Variants in EP300 observed in about 807,000 individuals in gnomAD.
EP300 encodes the protein histone acetyltransferase p300.
EP300 carries 31 observed loss-of-function variants against 264.0 expected under a neutral mutation model. The ratio of observed to expected loss-of-function variants is 0.12; its 90% confidence interval spans 0.09 to 0.16. EP300 has a LOEUF of 0.16. Among genes scored for constraint, EP300 ranks in the 10% least tolerant of loss-of-function variants. The probability of loss-of-function intolerance (pLI) is 1.00; values close to 1 mark genes in which losing one functional copy is unlikely to be tolerated. For missense variants in EP300, 2,766 were observed against 3,052.9 expected, an observed-to-expected ratio of 0.91 and a Z score of 2.21; for synonymous variants, 1,340 against 1,045.4, an observed-to-expected ratio of 1.28 and a Z score of -5.44.
At chr22:41,145,973 G>A (rs934608083) in intron 10 of EP300, among the ~76,000 whole-genome samples, 2 of 151,986 alleles carry the variant, frequency 1.3e-5, no homozygotes, top group Non-Finnish European at 2.9e-5. Context: ...ATGATATGTA[G>A]TGTGGTATAA....
intron 18 of EP300, among the ~76,000 whole-genome samples, chr22:41,158,035 A>G (rs898244037): frequency 6.6e-6 from 1 of 152,178 alleles, no homozygotes; most frequent in Admixed American, 6.5e-5. Flanking sequence ...GTACATACCA[A>G]TTCACATTAT....
chr22:41,172,462 CATAGAAA>C, intron 27 of EP300, 30 bp from the exon 28 acceptor site: 1 of 1,544,016 alleles, frequency 6.5e-7, no homozygotes, highest in Non-Finnish European at 8.9e-7. Flanking sequence ...TTTAAAAGAA[CATAGAAA>C]TTCCTATATG....
rs781155908 is a variant in EP300, at chr22:41,178,312, A to G, written c.6601A>G (p.Ile2201Val). The change falls in exon 31 of 31, where the codon ATA becomes GTA. Residue 2201 changes from isoleucine (I) to valine (V), a missense_variant. Physicochemically the swap from Ile to Val is conservative, Grantham distance 29. Transcript: ENST00000263253. The part of the protein sequence containing the change: ...QQQQQGAGPG[I>V]GPGMANHNQF... ...GCAGCAACAGGGAGCAGGGCCAGGA[A>G]TAGGCCCTGGAATGGCCAACCATAA... 2 of 1,614,214 alleles carry G rather than the reference A, an allele frequency of 1.2e-6. No homozygotes were observed. Among genetic ancestry groups the G allele is most frequent in the Non-Finnish European group, 1.7e-6 (2 of 1,180,022 alleles).
At position 41,171,363 on chromosome 22, in the gene EP300, G is replaced by T. The variant is rs528010187; in HGVS notation, c.4452+792G>T. Reference sequence around the variant, plus strand: ...TGTGGGTGTTTTGTTTTCAGAAAGGGTCACTCTCTGTCACCCAGGCTAGGG... The same window carrying T: ...TGTGGGTGTTTTGTTTTCAGAAAGGTTCACTCTCTGTCACCCAGGCTAGGG... On this transcript the variant is annotated intron_variant, in intron 27 of 30. Coordinates refer to ENST00000263253, the MANE Select transcript of EP300 (RefSeq NM_001429.4). 4.6e-5 allele frequency among the ~76,000 whole-genome samples: 7 copies of T among 152,172 alleles called. No individual in the cohort carries two copies. In the South Asian group the frequency reaches 1.5e-3, roughly 32 times the overall value.
intron 8 of EP300, among the ~76,000 whole-genome samples, chr22:41,138,731 A>G (rs2058965907): frequency 6.6e-6 from 1 of 152,032 alleles, no homozygotes; most frequent in Non-Finnish European, 1.5e-5. Context: ...ACCATGCAGT[A>G]TTTTTTCTTG....
At chr22:41,148,725 A>G in intron 12 of EP300, 1 of 415,554 alleles carries the variant, frequency 2.4e-6, no homozygotes, top group Non-Finnish European at 4.5e-6. Context: ...CACTTAACAG[A>G]GCATGCAAAG....
At chr22:41,123,353 A>G (rs1486715053) in intron 2 of EP300, among the ~76,000 whole-genome samples, 4 of 152,200 alleles carry the variant, frequency 2.6e-5, no homozygotes, top group Non-Finnish European at 4.4e-5. Flanking sequence ...TCAGTACAGG[A>G]AATATATAAG....
chr22:41,145,634 T>A (rs566929761), intron 10 of EP300, among the ~76,000 whole-genome samples: 5 of 152,028 alleles, frequency 3.3e-5, no homozygotes, highest in African/African-American at 1.2e-4. Context: ...ATATTTTAGG[T>A]TTTTTTTGAG....
At chr22:41,147,106 C>G (rs944306981) in intron 11 of EP300, among the ~76,000 whole-genome samples, 1 of 151,916 alleles carries the variant, frequency 6.6e-6, no homozygotes, top group African/African-American at 2.4e-5. Context: ...AAGTACGAGA[C>G]CAGCCTGGCC....
chr22:41,129,170 C>T (rs1461785721), intron 4 of EP300, among the ~76,000 whole-genome samples: 1 of 135,042 alleles, frequency 7.4e-6, no homozygotes, highest in African/African-American at 2.5e-5. Context: ...GCCACCATGG[C>T]GGCTAATTTT....
At position 41,106,198 on chromosome 22, in the gene EP300, C is replaced by A; in HGVS notation, c.95-10989C>A. 1.3e-5 allele frequency among the ~76,000 whole-genome samples: 2 copies of A among 152,084 alleles called. 1 individual carries two copies. Among genetic ancestry groups the A allele is most frequent in the East Asian group, 3.8e-4 (2 of 5,206 alleles). On this transcript the variant is annotated intron_variant, in intron 1 of 30. Coordinates refer to ENST00000263253, the MANE Select transcript of EP300 (RefSeq NM_001429.4). Reference sequence around the variant, plus strand: ...TTTACAAAATTTCTCATTTTAAAAGCTACAGTTTTAAAATTTCATGCTTTT... The same window carrying A: ...TTTACAAAATTTCTCATTTTAAAAGATACAGTTTTAAAATTTCATGCTTTT...
At chr22:41,118,505 A>G (rs1303209322) in intron 2 of EP300, among the ~76,000 whole-genome samples, 1 of 152,252 alleles carries the variant, frequency 6.6e-6, no homozygotes, top group Non-Finnish European at 1.5e-5. Flanking sequence ...ATGGGATCAC[A>G]CTATGGTTGC....
intron 1 of EP300, among the ~76,000 whole-genome samples, chr22:41,114,579 A>G (rs1480331211): frequency 1.4e-4 from 21 of 152,216 alleles, no homozygotes; most frequent in Non-Finnish European, 2.8e-4. Context: ...ATCTTGGGAT[A>G]CAATTTGACT....
intron 16 of EP300, among the ~76,000 whole-genome samples, chr22:41,154,243 CT>C (rs970185739): frequency 6.6e-6 from 1 of 152,076 alleles, no homozygotes; most frequent in African/African-American, 2.4e-5. Context: ...TTCTGTGCCC[CT>C]GACTCCTTGT....
chr22:41,135,966 C>A (rs1722351651), intron 7 of EP300, 60 bp downstream of exon 7: 9 of 1,268,466 alleles, frequency 7.1e-6, no homozygotes, highest in Non-Finnish European at 1.0e-5. Flanking sequence ...GTTAACAATT[C>A]ATTGTTTGAC....
At chr22:41,143,071 G>A (rs1182545512) in intron 10 of EP300, among the ~76,000 whole-genome samples, 1 of 152,218 alleles carries the variant, frequency 6.6e-6, no homozygotes, top group African/African-American at 2.4e-5. Flanking sequence ...TCAGCCTTAA[G>A]TATATGTTGA....
At chr22:41,104,134 G>A (rs1436761401) in intron 1 of EP300, among the ~76,000 whole-genome samples, 1 of 151,980 alleles carries the variant, frequency 6.6e-6, no homozygotes, top group Non-Finnish European at 1.5e-5. Context: ...TTCCCTGTAG[G>A]CCTTCCCTTG....
At chr22:41,144,469 TC>T (rs2058999870) in intron 10 of EP300, among the ~76,000 whole-genome samples, 1 of 151,796 alleles carries the variant, frequency 6.6e-6, no homozygotes, top group Non-Finnish European at 1.5e-5. Context: ...TCCTCCCACT[TC>T]AGCCCCCCAA....
intron 4 of EP300, among the ~76,000 whole-genome samples, chr22:41,128,911 G>GGCT (rs1207652320): frequency 1.3e-5 from 2 of 152,176 alleles, no homozygotes; most frequent in Non-Finnish European, 2.9e-5. Context: ...AGGTCGTCTT[G>GGCT]GCTGCGTCCA....
Sources: gnomAD v4.1 joint callset for allele counts (sites outside exome capture counted in the v4.1 genomes callset) on GRCh38, gnomAD v4.1.1 for gene constraint, MANE v1.5 for transcripts, NCBI Gene and HGNC (gene_info 2026-07-23, HGNC 2026-07-21) for gene names.